BCR: variants seen among roughly 807,000 people sequenced by gnomAD.
BCR encodes the protein breakpoint cluster region protein.
In BCR, 58 loss-of-function variants were observed where a neutral mutation model predicts 138.6. That is an observed-to-expected ratio of 0.42 (90% CI 0.34 to 0.52). The LOEUF (loss-of-function observed/expected upper bound fraction) is 0.52, where lower values mean the gene tolerates loss of function less well. Ranked by LOEUF, BCR falls within the 20% of genes least tolerant of loss-of-function variation. The pLI is 0.06. For synonymous variants in BCR, 786 were observed against 730.1 expected, an observed-to-expected ratio of 1.08 and a Z score of -1.23; for missense variants, 1,599 against 1,727.2, an observed-to-expected ratio of 0.93 and a Z score of 1.32.
chr22:23,246,245 C>T (rs535193183), intron 1 of BCR, among the ~76,000 whole-genome samples: 3 of 152,076 alleles, frequency 2.0e-5, no homozygotes, highest in South Asian at 2.1e-4. Flanking sequence ...GGCAACATAG[C>T]GAGACCCCTG....
chr22:23,304,099 ATTTTTTT>A (rs56805241), intron 16 of BCR, among the ~76,000 whole-genome samples: 18 of 102,186 alleles, frequency 1.8e-4, no homozygotes, highest in African/African-American at 5.5e-4. Context: ...ATGCCAGGCT[ATTTTTTT>A]TTTTTTTTTT....
At chr22:23,195,386 C>T (rs1247047614) in intron 1 of BCR, among the ~76,000 whole-genome samples, 1 of 140,400 alleles carries the variant, frequency 7.1e-6, no homozygotes, top group East Asian at 2.1e-4. Flanking sequence ...CGCCATTGCA[C>T]TTGAGCCTGG....
At chr22:23,209,064 A>G (rs7286520) in intron 1 of BCR, among the ~76,000 whole-genome samples, 10,933 of 151,822 alleles carry the variant, frequency 0.072, 1,312 homozygotes, top group African/African-American at 0.25. Flanking sequence ...ATGCATTAGA[A>G]TCTCCTTTCT....
At position 23,181,027 on chromosome 22, in the gene BCR, A is replaced by G. The variant is rs1197610325; in HGVS notation, c.67A>G (p.Met23Val). 7.3e-6 allele frequency: 11 copies of G among 1,501,356 alleles called. No individual in the cohort carries two copies. Among genetic ancestry groups the G allele is most frequent in the Non-Finnish European group, 8.9e-6 (10 of 1,117,508 alleles). The allele number at this position is 1,501,356 out of a possible 1,614,324, so 93.0% of individuals were successfully genotyped here. ...AQFPDSEPPRMELRSVGDIEQ... is the reference protein window; with the variant it reads ...AQFPDSEPPRVELRSVGDIEQ... ...GTTCCCGGACTCAGAGCCCCCGCGC[A>G]TGGAGCTGCGCTCAGTGGGCGACAT... The change falls in exon 1 of 23, where the codon ATG becomes GTG. Residue 23 changes from methionine to valine, a missense_variant. Transcript: ENST00000305877.
intron 10 of BCR, 57 bp from the exon 11 acceptor site, chr22:23,287,102 G>C (rs2146303064): frequency 6.4e-7 from 1 of 1,555,876 alleles, no homozygotes; most frequent in East Asian, 2.4e-5. Context: ...GATGGAATGG[G>C]AGTGGGTTGT....
intron 1 of BCR, among the ~76,000 whole-genome samples, chr22:23,240,234 G>A (rs926080390): frequency 8.6e-5 from 13 of 152,034 alleles, no homozygotes; most frequent in African/African-American, 2.9e-4. Context: ...GAATTTAGGA[G>A]GGAACACAAT....
In BCR at chr22:23,285,231, T is replaced by C. The variant is rs752293410; in HGVS notation, c.2406+30T>C. 1.9e-6 allele frequency: 3 copies of C among 1,593,850 alleles called. No homozygotes were observed. The South Asian group carries it at 3.4e-5, about 18-fold the overall frequency. ...ACACCAGGGGAGCAAGGGCCGGGTT[T>C]GGTGTGGTCAGAGTGGCAGCAGCCC... On this transcript the variant is annotated intron_variant, in intron 10 of 22. Transcript: ENST00000305877.
chr22:23,298,676 A>G (rs187113107), intron 16 of BCR, among the ~76,000 whole-genome samples: 252 of 151,288 alleles, frequency 1.7e-3, no homozygotes, highest in African/African-American at 5.9e-3. Context: ...GCTTACTGCA[A>G]CCTCTGCCTC....
In BCR at chr22:23,288,130, C is replaced by G. The variant is rs1445461506; in HGVS notation, c.2560C>G (p.Arg854Gly). ...YTFLISSDYE[R>G]AEWRENIREQ... ...GTTCCTGATCTCCTCTGACTATGAG[C>G]GTGCAGAGTGGAGGGAGAACATCCG... Residue 854 changes from arginine to glycine, a missense_variant, in exon 12 of 23, where the codon CGT becomes GGT. Physicochemically the swap from Arg to Gly is moderately radical, Grantham distance 125. This residue lies in a region of BCR where 590 missense variants were observed against 762.4 expected (regional missense o/e 0.77). Transcript: ENST00000305877. 1 of 1,614,012 alleles carries G rather than the reference C, an allele frequency of 6.2e-7. No homozygotes were observed. The highest frequency in any genetic ancestry group is 2.2e-5 in the East Asian group (1 of 44,876).
rs1193254554 is a variant in BCR, at chr22:23,315,437, A to G, written c.3731A>G (p.Gln1244Arg). 1 of 1,613,488 alleles carries G rather than the reference A, an allele frequency of 6.2e-7. No individual in the cohort carries two copies. The highest frequency in any genetic ancestry group is 1.7e-5 in the Admixed American group (1 of 60,010). Residue 1244 changes from glutamine to arginine, a missense_variant, in exon 23 of 23, where the codon CAG becomes CGG. Gln to Arg is a conservative substitution (Grantham distance 43, BLOSUM62 1). Coordinates refer to ENST00000305877, the MANE Select transcript of BCR (RefSeq NM_004327.4). ...SWSLEVMSQV[Q>R]VLLYFLQLEA... is the part of the protein sequence containing the mutation. The stretch of plus-strand genomic sequence containing the variant: ...TTCCCTACTCTGCCCGGGCAGGTCC[A>G]GGTGCTGCTGTACTTCCTGCAGCTG...
intron 16 of BCR, among the ~76,000 whole-genome samples, chr22:23,297,204 G>GTTTTT (rs1568979500): frequency 8.1e-6 from 1 of 124,158 alleles, no homozygotes; most frequent in African/African-American, 3.5e-5. Flanking sequence ...GCCTGGCTAA[G>GTTTTT]TTGTTTTTTG....
At chr22:23,304,927 C>G (rs2073941098) in intron 16 of BCR, among the ~76,000 whole-genome samples, 1 of 152,054 alleles carries the variant, frequency 6.6e-6, no homozygotes, top group Non-Finnish European at 1.5e-5. Context: ...CCAGCCTGAC[C>G]AACATGGTGA....
At chr22:23,229,571 G>A (rs1040370908) in intron 1 of BCR, among the ~76,000 whole-genome samples, 6 of 151,928 alleles carry the variant, frequency 3.9e-5, no homozygotes, top group African/African-American at 7.3e-5. Flanking sequence ...CTGTGGTTCC[G>A]GTATCCACCC....
intron 22 of BCR, among the ~76,000 whole-genome samples, chr22:23,315,105 T>C (rs376637213): frequency 1.2e-4 from 19 of 152,200 alleles, no homozygotes; most frequent in African/African-American, 4.1e-4. Flanking sequence ...ACATCTGTAA[T>C]CCTAGGTATC....
intron 1 of BCR, among the ~76,000 whole-genome samples, chr22:23,207,147 A>G (rs777679010): frequency 1.4e-4 from 21 of 152,104 alleles, no homozygotes; most frequent in African/African-American, 3.6e-4. Flanking sequence ...TGTGACACCT[A>G]CTGGGGTCCA....
In BCR at chr22:23,181,110, C is replaced by T. The variant is rs2072246442; in HGVS notation, c.150C>T (p.Asn50=). Residue 50 remains asparagine, a synonymous_variant, in exon 1 of 23, where the codon AAC becomes AAT. Transcript: ENST00000305877. ...ASIRRLEQEV[N]QERFRMIYLQ... is the part of the protein sequence containing the mutation. Reference sequence around the variant, plus strand: ...TTCGGCGCCTGGAGCAGGAGGTGAACCAGGAGCGCTTCCGCATGATCTACC... The same window carrying T: ...TTCGGCGCCTGGAGCAGGAGGTGAATCAGGAGCGCTTCCGCATGATCTACC... The T allele has an allele frequency of 6.7e-7, 1 of 1,503,382 alleles. No homozygotes were observed. The highest frequency in any genetic ancestry group is 2.6e-5 in the East Asian group (1 of 37,952). The allele number at this position is 1,503,382 out of a possible 1,614,324, so 93.1% of individuals were successfully genotyped here. A position where few individuals can be genotyped will look rare whatever the true frequency, so the allele number is the denominator to read the frequency against.
chr22:23,261,928 C>T (rs554927228), intron 4 of BCR: 33 of 164,920 alleles, frequency 2.0e-4, no homozygotes, highest in Non-Finnish European at 2.9e-4. Context: ...TGATGGTTCC[C>T]GACTCCTGGG....
chr22:23,288,260 T>A lies in BCR; in HGVS notation c.2602+88T>A, dbSNP rs1324232557. 4.6e-6 allele frequency: 6 copies of A among 1,315,710 alleles called. No individual in the cohort carries two copies. The East Asian group carries it at 1.4e-4, about 31-fold the overall frequency. The allele number at this position is 1,315,710 out of a possible 1,614,324, so 81.5% of individuals were successfully genotyped here. On this transcript the variant is annotated intron_variant, in intron 12 of 22. Coordinates refer to ENST00000305877, the MANE Select transcript of BCR (RefSeq NM_004327.4). ...CTGTGGTTTTAAACCTTCTTTTTTA[T>A]TTCGAGGGGTTTTATCCAAGTGAAG...
intron 1 of BCR, among the ~76,000 whole-genome samples, chr22:23,194,176 A>G (rs1297895792): frequency 6.6e-6 from 1 of 152,226 alleles, no homozygotes; most frequent in Non-Finnish European, 1.5e-5. Flanking sequence ...AGAGTGATAA[A>G]TGGAACTCAT....
Sources: allele counts gnomAD v4.1 joint callset (sites outside exome capture counted in the v4.1 genomes callset), GRCh38; gene constraint gnomAD v4.1.1; regional missense constraint gnomAD v4.1.1; transcripts MANE v1.5; gene names NCBI Gene and HGNC (gene_info 2026-07-23, HGNC 2026-07-21).